UTP18: variants seen among roughly 807,000 people sequenced by gnomAD.
The protein encoded by UTP18 is UTP18 small subunit processome component.
Under a neutral mutation model 61.1 loss-of-function variants are expected in UTP18, and 36 were observed. The observed-to-expected ratio is 0.59, with a 90% CI of 0.45 to 0.78. The LOEUF is 0.78. Ranked by LOEUF, UTP18 falls within the 30% of genes least tolerant of loss-of-function variation. The pLI is 0.00. For missense variants in UTP18, 753 were observed against 693.9 expected (o/e 1.09, Z -0.96); for synonymous variants, 282 against 251.1 (o/e 1.12, Z -1.16).
At chr17:51,293,329 CAGT>C (rs1307415880) in intron 11 of UTP18, among the ~76,000 whole-genome samples, 4 of 152,066 alleles carry the variant, frequency 2.6e-5, no homozygotes, top group African/African-American at 9.7e-5. Context: ...CACATGGACA[CAGT>C]AGAATAATAG....
At chr17:51,264,383 T>C (rs1486965125) in intron 2 of UTP18, among the ~76,000 whole-genome samples, 5 of 152,262 alleles carry the variant, frequency 3.3e-5, no homozygotes, top group African/African-American at 1.2e-4. Flanking sequence ...TCAGCATTAA[T>C]GTTTATCACC....
At chr17:51,277,991 T>A (rs1395876159) in intron 7 of UTP18, among the ~76,000 whole-genome samples, 2 of 152,200 alleles carry the variant, frequency 1.3e-5, no homozygotes, top group African/African-American at 2.4e-5. Context: ...GTGCTCTCCC[T>A]ATTAAACTGT....
intron 5 of UTP18, among the ~76,000 whole-genome samples, chr17:51,275,450 C>A (rs1278597586): frequency 6.6e-6 from 1 of 152,182 alleles, no homozygotes; most frequent in Non-Finnish European, 1.5e-5. Context: ...GTGCCTCTTG[C>A]ATTTGTGCCA....
rs755915644 is a variant in UTP18 at position 51,297,028 on chromosome 17, T to C, written c.*14+25T>C. 3.1e-6 allele frequency: 5 copies of C among 1,594,050 alleles called. No individual in the cohort carries two copies. The African/African-American group carries it at 6.8e-5, about 22-fold the overall frequency. Reference sequence around the variant, plus strand: ...AGTAAGAAAACCCTTTTCTTACAAATTCTGCAGGTTTTAAGATACACCCAT... The same window carrying C: ...AGTAAGAAAACCCTTTTCTTACAAACTCTGCAGGTTTTAAGATACACCCAT... On this transcript the variant is annotated intron_variant, in intron 13 of 13. Transcript: ENST00000225298.
At position 51,268,076 on chromosome 17, in the gene UTP18, C is replaced by T. The variant is rs372336254; in HGVS notation, c.555-761C>T. Among the ~76,000 whole-genome samples the T allele has an allele frequency of 9.4e-4, 135 of 143,282 alleles. 1 individual carries two copies. The highest frequency in any genetic ancestry group is 4.0e-3 in the Middle Eastern group (1 of 250). 94.0% of individuals were successfully genotyped at this position (143,282 alleles called of 152,430 possible). A position where few individuals can be genotyped will look rare whatever the true frequency, so the allele number is the denominator to read the frequency against. ...CCAGGCTGGAGTGCAGCGGCGTGAT[C>T]GCGGCTCACTGCAAGCTCTGCCTCC... On this transcript the variant is annotated intron_variant, in intron 3 of 13. Transcript: ENST00000225298.
At chr17:51,281,144 A>ATG (rs1436881227) in intron 9 of UTP18, among the ~76,000 whole-genome samples, 43 of 113,518 alleles carry the variant, frequency 3.8e-4, no homozygotes, top group Middle Eastern at 4.7e-3. Flanking sequence ...GTCTCAAAAT[A>ATG]TATATATATA....
At chr17:51,288,461 G>A (rs901820479) in intron 11 of UTP18, 5 of 489,652 alleles carry the variant, frequency 1.0e-5, no homozygotes, top group African/African-American at 7.9e-5. Context: ...ATTTTCAGAG[G>A]TTTCTTTTAG....
At chr17:51,276,084 G>C in intron 6 of UTP18, 93 bp downstream of exon 6, 1 of 1,261,510 alleles carries the variant, frequency 7.9e-7, no homozygotes, top group Non-Finnish European at 1.1e-6. Flanking sequence ...TACTGAAAAA[G>C]ATATTCATAG....
intron 2 of UTP18, among the ~76,000 whole-genome samples, chr17:51,265,849 A>G (rs1440128612): frequency 1.3e-5 from 2 of 152,194 alleles, no homozygotes; most frequent in Non-Finnish European, 2.9e-5. Context: ...GGCGTGAGCC[A>G]CCACGCTGGG....
chr17:51,293,870 TTA>T, intron 11 of UTP18, 31 bp from the exon 12 acceptor site: 1 of 1,486,192 alleles, frequency 6.7e-7, no homozygotes, highest in East Asian at 2.4e-5. Flanking sequence ...CTCCCAGTTG[TTA>T]CACTTTAAAG....
intron 12 of UTP18, among the ~76,000 whole-genome samples, chr17:51,295,339 C>G (rs1905339528): frequency 6.6e-6 from 1 of 152,052 alleles, no homozygotes; most frequent in African/African-American, 2.4e-5. Flanking sequence ...TTAGGTCTAA[C>G]ATGTAAGTCT....
intron 11 of UTP18, 139 bp from the exon 12 acceptor site, chr17:51,293,764 C>T (rs182763160): frequency 1.7e-6 from 1 of 591,616 alleles, no homozygotes; most frequent in East Asian, 3.4e-5. Context: ...CACTTTGCTG[C>T]ACTAATAGAC....
At chr17:51,285,684 A>G (rs111974255) in intron 10 of UTP18, among the ~76,000 whole-genome samples, 4 of 152,320 alleles carry the variant, frequency 2.6e-5, no homozygotes, top group African/African-American at 9.6e-5. Context: ...ATTAGGATAT[A>G]TTGTTACAAT....
intron 11 of UTP18, among the ~76,000 whole-genome samples, chr17:51,291,214 A>AT (rs1905230447): frequency 6.6e-6 from 1 of 151,896 alleles, no homozygotes; most frequent in Non-Finnish European, 1.5e-5. Flanking sequence ...CTTTATAGGC[A>AT]TTTTTCCTAA....
At position 51,260,568 on chromosome 17, in the gene UTP18, TCTC is replaced by T. The variant is rs763931118; in HGVS notation, c.-13_-11del. Reference sequence around the variant, plus strand: ...GAGGTTCCACGTGAGCGCCTGCGTTTCTCCTCAAACCTAACGATGCCGCCGGAG... The same window carrying T: ...GAGGTTCCACGTGAGCGCCTGCGTTTCTCAAACCTAACGATGCCGCCGGAG... On this transcript the variant is annotated 5_prime_UTR_variant, in exon 1 of 14. Transcript: ENST00000225298. 3.7e-6 allele frequency: 6 copies of T among 1,603,514 alleles called. No individual in the cohort carries two copies. Among genetic ancestry groups the T allele is most frequent in the South Asian group, 1.1e-5 (1 of 90,106 alleles).
chr17:51,280,099 A>G lies in UTP18; in HGVS notation c.1107A>G (p.Ala369=). The G allele has an allele frequency of 6.2e-7, 1 of 1,613,050 alleles. No homozygotes were observed. Among genetic ancestry groups the G allele is most frequent in the Non-Finnish European group, 8.5e-7 (1 of 1,179,388 alleles). The change falls in exon 8 of 14, where the codon GCA becomes GCG. Residue 369 remains alanine, a synonymous_variant. Transcript: ENST00000225298. Reference sequence around the variant, plus strand: ...TTGCTGGATATTTGCATTTGCTAGCAATGAAGGTAAAGCATTATTATTGCT... The same window carrying G: ...TTGCTGGATATTTGCATTTGCTAGCGATGAAGGTAAAGCATTATTATTGCT... ...NGIAGYLHLL[A]MKTKELIGSM...
rs755761031 is a variant in UTP18, at chr17:51,260,906, C to T, written c.322C>T (p.Arg108Trp). The T allele has an allele frequency of 1.3e-5, 21 of 1,590,292 alleles. No individual in the cohort carries two copies. The East Asian group carries it at 4.9e-4, about 37-fold the overall frequency. The change falls in exon 1 of 14, where the codon CGG (arginine) becomes TGG (tryptophan). Residue 108 changes from arginine (R) to tryptophan (W), a missense_variant. Transcript: ENST00000225298. ...DVENDEDALL[R>W]RLRGPRVQEH... ...CGAGAACGACGAGGACGCGTTGCTGCGGCGTCTGCGAGGCCCGAGGGTGAG... is the reference window on the plus strand; with the variant it reads ...CGAGAACGACGAGGACGCGTTGCTGTGGCGTCTGCGAGGCCCGAGGGTGAG...
chr17:51,261,571 C>T (rs781656093), intron 1 of UTP18, among the ~76,000 whole-genome samples: 33 of 152,056 alleles, frequency 2.2e-4, no homozygotes, highest in Non-Finnish European at 1.8e-4. Flanking sequence ...CTGGAGGAGA[C>T]ACAGCAATGG....
intron 9 of UTP18, 90 bp from the exon 10 acceptor site, chr17:51,285,155 T>A: frequency 4.2e-6 from 6 of 1,432,354 alleles, no homozygotes; most frequent in Non-Finnish European, 5.8e-6. Flanking sequence ...TAGTCTCCTG[T>A]ACTGTTAAGA....
Sources: gnomAD v4.1 joint callset for allele counts (sites outside exome capture counted in the v4.1 genomes callset) on GRCh38, gnomAD v4.1.1 for gene constraint, MANE v1.5 for transcripts, NCBI Gene and HGNC (gene_info 2026-07-23, HGNC 2026-07-21) for gene names.